Variants in SRM observed in about 807,000 individuals in gnomAD.
SRM encodes the protein putrescine aminopropyltransferase.
SRM carries 14 observed loss-of-function variants against 39.3 expected under a neutral mutation model. The ratio of observed to expected loss-of-function variants is 0.36; its 90% CI spans 0.24 to 0.56. The LOEUF is 0.56. Among genes scored for constraint, SRM ranks in the 20% least tolerant of loss-of-function variants. SRM has a pLI of 0.86. For missense variants in SRM, 244 were observed against 409.2 expected (o/e 0.60, Z 3.48); for synonymous variants, 195 against 173.1 (o/e 1.13, Z -0.99).
chr1:11,055,031 C>T lies in SRM; in HGVS notation c.819G>A (p.Gln273=), dbSNP rs762107833. 1 of 1,612,608 alleles carries T rather than the reference C, an allele frequency of 6.2e-7. No individual in the cohort carries two copies. Among genetic ancestry groups the T allele is most frequent in the Non-Finnish European group, 8.5e-7 (1 of 1,179,724 alleles). ...VQPLTQQQVA[Q]MQLKYYNSDV... ...CGGAGTTGTAGTACTTCAGCTGCAT[C>T]TGCGCCACCTGCTGCTGTGTCAGCG... The change falls in exon 7 of 8, where the codon CAG becomes CAA. Residue 273 remains glutamine (Q), a synonymous_variant. Coordinates refer to ENST00000376957, the MANE Select transcript of SRM (RefSeq NM_003132.3).
chr1:11,058,754 C>T (rs757311403), intron 3 of SRM, 46 bp downstream of exon 3: 14 of 1,526,286 alleles, frequency 9.2e-6, no homozygotes, highest in East Asian at 2.4e-5. Flanking sequence ...CACAGCTGGC[C>T]GCTGGGAGAA....
chr1:11,058,958 A>G, intron 2 of SRM, 66 bp from the exon 3 acceptor site: 1 of 1,463,222 alleles, frequency 6.8e-7, no homozygotes, highest in Non-Finnish European at 9.2e-7. Context: ...CCCCTGAAGC[A>G]GACCCCCTGA....
At chr1:11,056,825 G>GCACA (rs1638887161) in intron 3 of SRM, 68 bp from the exon 4 acceptor site, 50 of 1,571,896 alleles carry the variant, frequency 3.2e-5, no homozygotes, top group Non-Finnish European at 4.1e-5. Flanking sequence ...ACAGCCACGT[G>GCACA]GGACTCTCCA....
intron 1 of SRM, 150 bp downstream of exon 1, chr1:11,059,627 G>C: frequency 9.5e-7 from 1 of 1,048,298 alleles, no homozygotes; most frequent in Non-Finnish European, 1.3e-6. Context: ...CCCAGCCCCA[G>C]CCCAGGGAGG....
Position 11,055,052 on chromosome 1 carries a change from C to A in SRM, c.798G>T (p.Leu266=), listed in dbSNP as rs765423612. Residue 266 remains leucine (L), a synonymous_variant, in exon 7 of 8, where the codon CTG becomes CTT. Transcript: ENST00000376957. ...STNFQEPVQP[L]TQQQVAQMQL... The stretch of plus-strand genomic sequence containing the variant: ...GCATCTGCGCCACCTGCTGCTGTGT[C>A]AGCGGCTGCACCGGCTCCTGGAAGT... 1 of 1,611,584 alleles carries A rather than the reference C, an allele frequency of 6.2e-7. No individual in the cohort carries two copies. The highest frequency in any genetic ancestry group is 1.3e-5 in the African/African-American group (1 of 74,796).
At position 11,058,874 on chromosome 1, in the gene SRM, C is replaced by T; in HGVS notation, c.307G>A (p.Gly103Arg). ...ACCTCCCGCAGGACACCTCCATCTCCGCCCCCGATGATCAGCACCTGGGAG... is the reference window on the plus strand; with the variant it reads ...ACCTCCCGCAGGACACCTCCATCTCTGCCCCCGATGATCAGCACCTGGGAG... ...NPRKVLIIGG[G>R]DGGVLREVVK... The change falls in exon 3 of 8, where the codon GGA (glycine) becomes AGA (arginine). Residue 103 changes from glycine (G) to arginine (R), a missense_variant. Transcript: ENST00000376957. The T allele has an allele frequency of 6.2e-7, 1 of 1,610,018 alleles. No homozygotes were observed. Among genetic ancestry groups the T allele is most frequent in the Non-Finnish European group, 8.5e-7 (1 of 1,178,894 alleles).
At chr1:11,059,421 G>T in intron 1 of SRM, 76 bp from the exon 2 acceptor site, 1 of 1,590,762 alleles carries the variant, frequency 6.3e-7, no homozygotes, top group Non-Finnish European at 8.6e-7. Flanking sequence ...CCTGGGTGAG[G>T]AGGGTCTCCC....
In SRM at chr1:11,059,929, G is replaced by C; in HGVS notation, c.15C>G (p.Pro5=). 2 of 1,212,542 alleles carry C rather than the reference G, an allele frequency of 1.6e-6. No individual in the cohort carries two copies. The highest frequency in any genetic ancestry group is 1.0e-6 in the Non-Finnish European group (1 of 976,026). The allele number at this position is 1,212,542 out of a possible 1,614,324, so 75.1% of individuals were successfully genotyped here. A position where few individuals can be genotyped will look rare whatever the true frequency, so the allele number is the denominator to read the frequency against. Residue 5 remains proline (P), a synonymous_variant, in exon 1 of 8, where the codon CCC becomes CCG. Coordinates refer to ENST00000376957, the MANE Select transcript of SRM (RefSeq NM_003132.3). ...CGGGGCCGGAGGCGGCGGGGCCGTCGGGGCCGGGCTCCATGGCGGGCGGGC... is the reference window on the plus strand; with the variant it reads ...CGGGGCCGGAGGCGGCGGGGCCGTCCGGGCCGGGCTCCATGGCGGGCGGGC... MEPG[P]DGPAASGPAA... is the part of the protein sequence containing the mutation.
chr1:11,057,239 G>A (rs1254630764), intron 3 of SRM, among the ~76,000 whole-genome samples: 1 of 152,030 alleles, frequency 6.6e-6, no homozygotes, highest in African/African-American at 2.4e-5. Flanking sequence ...GGCTCCTGCC[G>A]GCGGCTTGGG....
chr1:11,058,618 T>C (rs1036634574), intron 3 of SRM, 182 bp downstream of exon 3: 2 of 471,980 alleles, frequency 4.2e-6, no homozygotes, highest in African/African-American at 2.0e-5. Context: ...GCCACGCAGG[T>C]GCCCTCACCA....
At position 11,059,218 on chromosome 1, in the gene SRM, G is replaced by A; in HGVS notation, c.288+7C>T. The A allele has an allele frequency of 1.9e-6, 3 of 1,613,424 alleles. No individual in the cohort carries two copies. The highest frequency in any genetic ancestry group is 1.7e-6 in the Non-Finnish European group (2 of 1,179,948). Reference sequence around the variant, plus strand: ...GTCCGGCACTGTTCCAGGGGACACTGGGGTACCTTTCGCGGGTTGGGGTGG... The same window carrying A: ...GTCCGGCACTGTTCCAGGGGACACTAGGGTACCTTTCGCGGGTTGGGGTGG... On this transcript the variant is annotated splice_region_variant and intron_variant, in intron 2 of 7. Transcript: ENST00000376957.
At chr1:11,055,975 C>T (rs1638871398) in intron 5 of SRM, 36 bp downstream of exon 5, 3 of 1,592,120 alleles carry the variant, frequency 1.9e-6, no homozygotes, top group Admixed American at 3.5e-5. Flanking sequence ...CCTGCCCCAC[C>T]CCGCCCCGCC....
chr1:11,059,750 G>T (rs755657086), intron 1 of SRM, 27 bp downstream of exon 1: 1 of 1,570,506 alleles, frequency 6.4e-7, no homozygotes, highest in South Asian at 1.1e-5. Context: ...AGCCTAGGGG[G>T]CAGGCGCCTG....
intron 3 of SRM, among the ~76,000 whole-genome samples, chr1:11,057,563 G>A (rs1321314617): frequency 1.4e-5 from 2 of 147,014 alleles, no homozygotes; most frequent in African/African-American, 5.0e-5. Flanking sequence ...CGCTTGGCCT[G>A]TTTCCTATTT....
chr1:11,057,995 T>C (rs989768789), intron 3 of SRM, among the ~76,000 whole-genome samples: 35 of 151,938 alleles, frequency 2.3e-4, no homozygotes, highest in African/African-American at 7.7e-4. Flanking sequence ...GCCAGGCTGC[T>C]CTTGAACTCC....
chr1:11,059,409 G>A, intron 1 of SRM, 64 bp from the exon 2 acceptor site: 1 of 1,598,358 alleles, frequency 6.3e-7, no homozygotes, highest in African/African-American at 1.3e-5. Flanking sequence ...ACCCCAAGCC[G>A]CCCTGGGTGA....
intron 3 of SRM, among the ~76,000 whole-genome samples, chr1:11,057,353 C>G (rs1457683693): frequency 2.0e-5 from 3 of 148,440 alleles, no homozygotes; most frequent in Non-Finnish European, 4.5e-5. Context: ...CAGTCTTGCT[C>G]TGCTGCCCAG....
At position 11,054,939 on chromosome 1, in the gene SRM, A is replaced by C; in HGVS notation, c.888+23T>G. On this transcript the variant is annotated intron_variant, in intron 7 of 7. Coordinates refer to ENST00000376957, the MANE Select transcript of SRM (RefSeq NM_003132.3). The surrounding 1 kb of genome is among the most constrained non-coding windows in gnomAD (Gnocchi z 4.8). ...GCGCTCTGGGTCCCTGGGTCCCACC[A>C]CCCAGCCCCGCAGGCCACCCACCTT... 1 of 1,611,188 alleles carries C rather than the reference A, an allele frequency of 6.2e-7. No individual in the cohort carries two copies. Among genetic ancestry groups the C allele is most frequent in the Non-Finnish European group, 8.5e-7 (1 of 1,179,642 alleles).
At chr1:11,055,954 GCAGGGCCTGCCCTGCCC>G in intron 5 of SRM, 28 bp from the exon 6 acceptor site, 1 of 1,588,512 alleles carries the variant, frequency 6.3e-7, no homozygotes, top group Non-Finnish European at 8.6e-7. Flanking sequence ...TCAGCATCCG[GCAGGGCCTGCCCTGCCC>G]CACCCCGCCC....
Sources: gnomAD v4.1 joint callset for allele counts (sites outside exome capture counted in the v4.1 genomes callset) on GRCh38, gnomAD v4.1.1 for gene constraint, Gnocchi (gnomAD v3.1) non-coding constraint, MANE v1.5 for transcripts, NCBI Gene and HGNC (gene_info 2026-07-23, HGNC 2026-07-21) for gene names.